Variants in ASCC1 observed in about 807,000 individuals in gnomAD.
ASCC1 encodes the protein activating signal cointegrator 1 complex subunit 1, also known as ASC-1 complex subunit P50.
A neutral mutation model predicts 46.6 loss-of-function variants in ASCC1; 35 were observed. That is an observed-to-expected ratio of 0.75 (90% CI 0.57 to 0.99). The LOEUF (loss-of-function observed/expected upper bound fraction) is 0.99. Among genes scored for constraint, ASCC1 ranks in the 50% least tolerant of loss-of-function variants. The pLI, the probability that ASCC1 is intolerant of heterozygous loss-of-function variation, is 0.00. For missense variants in ASCC1, 376 were observed against 428.7 expected (o/e 0.88, Z 1.09); for synonymous variants, 143 against 146.6 (o/e 0.98, Z 0.18).
intron 7 of ASCC1, among the ~76,000 whole-genome samples, chr10:72,136,258 C>T (rs1405179737): frequency 6.6e-6 from 1 of 152,056 alleles, no homozygotes; most frequent in East Asian, 1.9e-4. Context: ...ATTGTAAATG[C>T]ACCAATCGGC....
At chr10:72,131,474 A>T (rs1845594761) in intron 8 of ASCC1, among the ~76,000 whole-genome samples, 1 of 151,558 alleles carries the variant, frequency 6.6e-6, no homozygotes, top group African/African-American at 2.4e-5. Context: ...ACACACACAC[A>T]CACTCAACTG....
chr10:72,122,090 A>C (rs1209683022), intron 9 of ASCC1, among the ~76,000 whole-genome samples: 1 of 152,216 alleles, frequency 6.6e-6, no homozygotes, highest in African/African-American at 2.4e-5. Flanking sequence ...AGTGATAACA[A>C]AGATAGCAGG....
At chr10:72,144,380 T>TGTAG (rs1450639733) in intron 7 of ASCC1, among the ~76,000 whole-genome samples, 2 of 152,236 alleles carry the variant, frequency 1.3e-5, no homozygotes, top group Non-Finnish European at 1.5e-5. Flanking sequence ...TTCAACCTTA[T>TGTAG]GTAGACATGT....
At chr10:72,129,340 G>A (rs1162816080) in intron 8 of ASCC1, among the ~76,000 whole-genome samples, 1 of 152,170 alleles carries the variant, frequency 6.6e-6, no homozygotes, top group Non-Finnish European at 1.5e-5. Flanking sequence ...TACATAAAAT[G>A]TGGCATATCC....
At chr10:72,191,252 A>C (rs1854450150) in intron 5 of ASCC1, among the ~76,000 whole-genome samples, 1 of 147,848 alleles carries the variant, frequency 6.8e-6, no homozygotes, top group Admixed American at 6.7e-5. Flanking sequence ...TTTTTAGTAG[A>C]GACGAGGTTT....
chr10:72,216,490 C>A (rs1437241854), upstream of ASCC1, among the ~76,000 whole-genome samples: 2 of 129,378 alleles, frequency 1.5e-5, no homozygotes, highest in African/African-American at 5.5e-5. Context: ...GCCCCCCCCC[C>A]CCCCCGTTAC....
intron 1 of ASCC1, among the ~76,000 whole-genome samples, chr10:72,215,603 A>C (rs1344983526): frequency 6.6e-6 from 1 of 152,206 alleles, no homozygotes; most frequent in South Asian, 2.1e-4. Context: ...TCAAAGGAAA[A>C]GCTTAAAAAA....
chr10:72,139,119 T>TC (rs1369528257), intron 7 of ASCC1, among the ~76,000 whole-genome samples: 1 of 149,344 alleles, frequency 6.7e-6, no homozygotes, highest in Non-Finnish European at 1.5e-5. Context: ...TTTTTCTTTT[T>TC]TTTTTTTTTT....
In ASCC1 at chr10:72,097,051, G is replaced by A; in HGVS notation, c.*283C>T. ...GAACTGTGCACTTAAAAATGGTGAA[G>A]ACAGTATGTTTTATGAGTATTTTAC... On this transcript the variant is annotated 3_prime_UTR_variant, in exon 10 of 10. Transcript: ENST00000672957. The A allele has an allele frequency of 2.1e-6, 1 of 480,758 alleles. No individual in the cohort carries two copies. 29.8% of individuals were successfully genotyped at this position (480,758 alleles called of 1,614,324 possible).
intron 7 of ASCC1, among the ~76,000 whole-genome samples, chr10:72,138,600 CTTTTTTTT>C (rs1011535460): frequency 5.7e-5 from 6 of 104,542 alleles, no homozygotes; most frequent in African/African-American, 2.2e-4. Flanking sequence ...TTCTTTCTTT[CTTTTTTTT>C]TTTTTTTTTT....
rs546276238 is a variant in ASCC1 at position 72,159,718 on chromosome 10, A to G, written c.626+1820T>C. On this transcript the variant is annotated intron_variant, in intron 6 of 9. Transcript: ENST00000672957. ...TGAATTTCAGGTAAGATCTAGAGAA[A>G]ACAGATATGTCCGTTACTGAGCAAA... Among the ~76,000 whole-genome samples, 3 of 152,270 alleles carry G rather than the reference A, an allele frequency of 2.0e-5. No homozygotes were observed. In the South Asian group the frequency reaches 6.2e-4, roughly 32 times the overall value.
chr10:72,131,646 G>C lies in ASCC1; in HGVS notation c.871+1411C>G, dbSNP rs532471476. On this transcript the variant is annotated intron_variant, in intron 8 of 9. Coordinates refer to ENST00000672957, the MANE Select transcript of ASCC1 (RefSeq NM_001198800.3). ...TTCAATATGGCATCACAAAATAGTA[G>C]TATTTTAGAACTAATAACTAGATAG... is the stretch of plus-strand genomic sequence containing the variant. Among the ~76,000 whole-genome samples the C allele has an allele frequency of 5.3e-5, 8 of 152,178 alleles. No individual in the cohort carries two copies. In the South Asian group the frequency reaches 1.5e-3, roughly 28 times the overall value.
intron 7 of ASCC1, among the ~76,000 whole-genome samples, chr10:72,146,714 A>G (rs1847670037): frequency 6.6e-6 from 1 of 152,030 alleles, no homozygotes; most frequent in Non-Finnish European, 1.5e-5. Context: ...TGCATTAGTA[A>G]GTGTAACTCT....
At chr10:72,204,074 C>T (rs1856869051) in intron 3 of ASCC1, among the ~76,000 whole-genome samples, 1 of 152,120 alleles carries the variant, frequency 6.6e-6, no homozygotes, top group Non-Finnish European at 1.5e-5. Context: ...CATGGCAAAA[C>T]CCCATCTCTA....
At chr10:72,118,780 AAAAAAAAAAG>A (rs1843814168) in intron 9 of ASCC1, among the ~76,000 whole-genome samples, 1 of 139,874 alleles carries the variant, frequency 7.1e-6, no homozygotes, top group South Asian at 2.3e-4. Flanking sequence ...ACTCCGTCTC[AAAAAAAAAAG>A]AAAAAAAAGA....
At chr10:72,150,613 G>A (rs909694116) in intron 7 of ASCC1, among the ~76,000 whole-genome samples, 4 of 152,184 alleles carry the variant, frequency 2.6e-5, no homozygotes, top group African/African-American at 7.2e-5. Flanking sequence ...ATCGCTGGGA[G>A]GGATGTAGGT....
At chr10:72,146,652 C>T (rs1250336483) in intron 7 of ASCC1, among the ~76,000 whole-genome samples, 3 of 152,126 alleles carry the variant, frequency 2.0e-5, no homozygotes, top group Non-Finnish European at 4.4e-5. Flanking sequence ...AATGTAAAAG[C>T]TTCCTTAAAC....
Position 72,128,062 on chromosome 10 carries a change from T to A in ASCC1, c.957+20A>T. 6.3e-7 allele frequency: 1 copy of A among 1,591,966 alleles called. No individual in the cohort carries two copies. The highest frequency in any genetic ancestry group is 2.2e-5 in the East Asian group (1 of 44,736). On this transcript the variant is annotated intron_variant, in intron 9 of 9. Transcript: ENST00000672957. Reference sequence around the variant, plus strand: ...GGACATGTGCCAAAGGATTTCCAATTCACTCTGCTTCATACTGACCTTTAA... The same window carrying A: ...GGACATGTGCCAAAGGATTTCCAATACACTCTGCTTCATACTGACCTTTAA...
In ASCC1 at chr10:72,190,952, C is replaced by T. The variant is rs185887953; in HGVS notation, c.489+5859G>A. On this transcript the variant is annotated intron_variant, in intron 5 of 9. Coordinates refer to ENST00000672957, the MANE Select transcript of ASCC1 (RefSeq NM_001198800.3). The stretch of plus-strand genomic sequence containing the variant: ...CGGAGGTTGCCGTGAGCCAAGATCG[C>T]GCCATTGCACTCCAGCCTTGGCGAC... Among the ~76,000 whole-genome samples, 130 of 140,592 alleles carry T rather than the reference C, an allele frequency of 9.2e-4. No individual in the cohort carries two copies. The East Asian group carries it at 0.025, about 27-fold the overall frequency. The allele number at this position is 140,592 out of a possible 152,430, so 92.2% of individuals were successfully genotyped here. A position where few individuals can be genotyped will look rare whatever the true frequency, so the allele number is the denominator to read the frequency against.
Sources: allele counts gnomAD v4.1 joint callset (sites outside exome capture counted in the v4.1 genomes callset), GRCh38; gene constraint gnomAD v4.1.1; transcripts MANE v1.5; gene names NCBI Gene and HGNC (gene_info 2026-07-23, HGNC 2026-07-21).